Variants in TMTC2 observed in about 807,000 individuals in gnomAD.
TMTC2 encodes transmembrane O-mannosyltransferase targeting cadherins 2.
In TMTC2, 43 loss-of-function variants were observed where a neutral mutation model predicts 82.4. That is an observed-to-expected ratio of 0.52 (90% CI 0.41 to 0.67). The LOEUF (loss-of-function observed/expected upper bound fraction) is 0.67. TMTC2 is among the 30% of genes least tolerant of loss of function. The pLI is 0.00. For missense variants in TMTC2, 919 were observed against 1,012.4 expected, an observed-to-expected ratio of 0.91 and a Z score of 1.25; for synonymous variants, 408 against 381.9, an observed-to-expected ratio of 1.07 and a Z score of -0.80.
At chr12:83,067,364 G>T (rs944235636) in intron 11 of TMTC2, among the ~76,000 whole-genome samples, 1 of 151,950 alleles carries the variant, frequency 6.6e-6, no homozygotes, top group Non-Finnish European at 1.5e-5. Context: ...ATGTTGAGAT[G>T]TTTGTGTCTG....
intron 3 of TMTC2, among the ~76,000 whole-genome samples, chr12:82,918,555 C>G (rs1875159942): frequency 6.6e-6 from 1 of 152,050 alleles, no homozygotes; most frequent in South Asian, 2.1e-4. Flanking sequence ...AATGAGAGTC[C>G]TTACCACATT....
intron 1 of TMTC2, among the ~76,000 whole-genome samples, chr12:82,763,933 CAATCTCACTCATGA>C (rs1331248499): frequency 6.6e-6 from 1 of 152,112 alleles, no homozygotes; most frequent in African/African-American, 2.4e-5. Flanking sequence ...AACCACAGCC[CAATCTCACTCATGA>C]ATACAGGTAC....
At position 82,845,256 on chromosome 12, in the gene TMTC2, T is replaced by A. The variant is rs866937081; in HGVS notation, c.84-11754T>A. ...AAAAAAAAAAAAAAAAAAAAAAATATATATATATATATATATATTGAACTA... is the reference window on the plus strand; with the variant it reads ...AAAAAAAAAAAAAAAAAAAAAAATAAATATATATATATATATATTGAACTA... On this transcript the variant is annotated intron_variant, in intron 1 of 11. Transcript: ENST00000321196. Among the ~76,000 whole-genome samples the A allele has an allele frequency of 2.5e-3, 276 of 110,244 alleles. 1 individual carries two copies. Among genetic ancestry groups the A allele is most frequent in the African/African-American group, 6.9e-3 (181 of 26,290 alleles). The allele number at this position is 110,244 out of a possible 152,430, so 72.3% of individuals were successfully genotyped here. A position where few individuals can be genotyped will look rare whatever the true frequency, so the allele number is the denominator to read the frequency against.
In TMTC2 at chr12:83,132,363, C is replaced by T; in HGVS notation, c.2485C>T (p.Gln829Ter). ...CAAACTGTGGAACATCATGGAAAAA[C>T]AAGGCTTAAAGACTTCTAAGACCTG... Reference protein sequence around the residue: ...LRKLWNIMEKQGLKTSKT With the variant: ...LRKLWNIMEK Residue 829 changes from glutamine (Q) to a stop codon, truncating the protein, a stop_gained, in exon 12 of 12, where the codon CAA (glutamine) becomes TAA (stop). Coordinates refer to ENST00000321196, the MANE Select transcript of TMTC2 (RefSeq NM_152588.3). LOFTEE classifies it high-confidence loss of function. 1 of 1,614,036 alleles carries T rather than the reference C, an allele frequency of 6.2e-7. No individual in the cohort carries two copies. Among genetic ancestry groups the T allele is most frequent in the Non-Finnish European group, 8.5e-7 (1 of 1,179,972 alleles).
At chr12:82,721,055 T>C (rs1874184133) in intron 1 of TMTC2, among the ~76,000 whole-genome samples, 1 of 152,234 alleles carries the variant, frequency 6.6e-6, no homozygotes, top group Non-Finnish European at 1.5e-5. Context: ...TTTACAAATA[T>C]AAGTGGTTCT....
chr12:83,104,884 T>A lies in TMTC2; in HGVS notation c.2332-27326T>A, dbSNP rs546955523. Among the ~76,000 whole-genome samples, 110 of 152,340 alleles carry A rather than the reference T, an allele frequency of 7.2e-4. 2 individuals are homozygous for A. The highest frequency in any genetic ancestry group is 2.5e-3 in the African/African-American group (106 of 41,580). On this transcript the variant is annotated intron_variant, in intron 11 of 11. Coordinates refer to ENST00000321196, the MANE Select transcript of TMTC2 (RefSeq NM_152588.3). ...GTCCAAACTTTTATGCTCTGCTTCC[T>A]CTTTAAATGTAACTTCCAACTTTAT... is the stretch of plus-strand genomic sequence containing the variant.
intron 8 of TMTC2, 147 bp from the exon 9 acceptor site, chr12:83,030,651 C>T (rs1015788423): frequency 7.6e-6 from 4 of 523,780 alleles, no homozygotes; most frequent in African/African-American, 1.9e-5. Context: ...TTTCCTTGAT[C>T]ATCCTCACAT....
At chr12:83,080,411 T>C (rs111662872) in intron 11 of TMTC2, among the ~76,000 whole-genome samples, 5 of 152,126 alleles carry the variant, frequency 3.3e-5, no homozygotes, top group African/African-American at 1.2e-4. Flanking sequence ...AATGAATGAT[T>C]AGCTAAGATT....
chr12:82,735,502 C>A (rs1291616986), intron 1 of TMTC2, among the ~76,000 whole-genome samples: 1 of 151,868 alleles, frequency 6.6e-6, no homozygotes, highest in African/African-American at 2.4e-5. Context: ...CCCGCCACCA[C>A]GCCCGGCTAA....
At chr12:82,729,155 G>A (rs958738072) in intron 1 of TMTC2, among the ~76,000 whole-genome samples, 20 of 152,232 alleles carry the variant, frequency 1.3e-4, no homozygotes, top group African/African-American at 3.1e-4. Flanking sequence ...GCCCCAGTGC[G>A]GGATCCACTG....
chr12:82,841,842 G>T (rs1326043825), intron 1 of TMTC2, among the ~76,000 whole-genome samples: 1 of 152,186 alleles, frequency 6.6e-6, no homozygotes, highest in African/African-American at 2.4e-5. Flanking sequence ...ACCCGTCACT[G>T]CAAGACAAGT....
intron 10 of TMTC2, among the ~76,000 whole-genome samples, chr12:83,055,916 A>G (rs1431000961): frequency 6.6e-6 from 1 of 151,980 alleles, no homozygotes; most frequent in Non-Finnish European, 1.5e-5. Context: ...TGAGACTCAA[A>G]GTCAATACTC....
chr12:82,878,945 A>G (rs1158747657), intron 2 of TMTC2, among the ~76,000 whole-genome samples: 1 of 152,178 alleles, frequency 6.6e-6, no homozygotes, highest in African/African-American at 2.4e-5. Flanking sequence ...ACAAAGGAAG[A>G]TGGAATTTCT....
intron 1 of TMTC2, among the ~76,000 whole-genome samples, chr12:82,742,143 G>A (rs921942851): frequency 3.3e-5 from 5 of 152,050 alleles, no homozygotes; most frequent in Non-Finnish European, 5.9e-5. Flanking sequence ...CTCCTAAGGC[G>A]CATCCCTACT....
chr12:83,039,927 G>A (rs1881824905), intron 9 of TMTC2, among the ~76,000 whole-genome samples: 1 of 152,228 alleles, frequency 6.6e-6, no homozygotes, highest in Non-Finnish European at 1.5e-5. Context: ...AATATGGTGT[G>A]TCCTTACTCC....
chr12:82,883,055 CAAAA>C (rs66496024), intron 2 of TMTC2, among the ~76,000 whole-genome samples: 5 of 68,258 alleles, frequency 7.3e-5, no homozygotes, highest in Non-Finnish European at 1.9e-4. Flanking sequence ...AACTTGGTCT[CAAAA>C]AAAAAAAAAA....
intron 8 of TMTC2, among the ~76,000 whole-genome samples, chr12:82,990,934 T>C (rs1879372716): frequency 1.3e-5 from 2 of 152,068 alleles, no homozygotes; most frequent in Non-Finnish European, 2.9e-5. Context: ...AAAAAATGAA[T>C]GAGGGTGGCA....
At chr12:83,045,774 A>G (rs1882097637) in intron 9 of TMTC2, among the ~76,000 whole-genome samples, 1 of 103,578 alleles carries the variant, frequency 9.7e-6, no homozygotes, top group African/African-American at 4.2e-5. Context: ...GGCGACCATC[A>G]GGAGATGATC....
intron 4 of TMTC2, among the ~76,000 whole-genome samples, chr12:82,944,126 T>C (rs1206753843): frequency 1.3e-5 from 2 of 152,196 alleles, no homozygotes; most frequent in Admixed American, 1.3e-4. Flanking sequence ...GTTTCCATAG[T>C]TCATGAGAGC....
Sources: allele counts gnomAD v4.1 joint callset (sites outside exome capture counted in the v4.1 genomes callset), GRCh38; gene constraint gnomAD v4.1.1; transcripts MANE v1.5; gene names NCBI Gene and HGNC (gene_info 2026-07-23, HGNC 2026-07-21).